The following SPATA13 variants were observed in gnomAD, a reference collection of about 807,000 sequenced individuals.
SPATA13 encodes the protein spermatogenesis-associated protein 13.
Under a neutral mutation model 104.0 loss-of-function variants are expected in SPATA13, and 50 were observed. That is an observed-to-expected ratio of 0.48 (90% CI 0.38 to 0.61). The LOEUF (loss-of-function observed/expected upper bound fraction) is 0.61. SPATA13 is among the 20% of genes least tolerant of loss of function. SPATA13 has a pLI of 0.00. For synonymous variants in SPATA13, 606 were observed against 667.5 expected (o/e 0.91, Z 1.42); for missense variants, 1,524 against 1,690.6 (o/e 0.90, Z 1.73).
intron 3 of SPATA13, among the ~76,000 whole-genome samples, chr13:24,103,538 G>C (rs1363169908): frequency 1.4e-5 from 2 of 140,626 alleles, no homozygotes; most frequent in African/African-American, 6.0e-5. Flanking sequence ...GAGAGAGAGA[G>C]AGAGAAGAGA....
intron 3 of SPATA13, among the ~76,000 whole-genome samples, chr13:24,112,668 C>T (rs1184703885): frequency 6.6e-6 from 1 of 152,162 alleles, no homozygotes; most frequent in African/African-American, 2.4e-5. Flanking sequence ...TATATTATCA[C>T]TGTGTAACAG....
intron 2 of SPATA13, among the ~76,000 whole-genome samples, chr13:23,985,732 C>A (rs898788703): frequency 6.6e-6 from 1 of 152,136 alleles, no homozygotes; most frequent in Non-Finnish European, 1.5e-5. Flanking sequence ...TAAAAGACTG[C>A]CTGAGTGTTC....
At chr13:24,048,907 A>G (rs1878242149) in intron 3 of SPATA13, among the ~76,000 whole-genome samples, 1 of 152,222 alleles carries the variant, frequency 6.6e-6, no homozygotes, top group Admixed American at 6.5e-5. Context: ...GAAGAAAATT[A>G]AAACTACAAG....
At chr13:24,300,521 C>T in intron 12 of SPATA13, 46 bp downstream of exon 12, 2 of 1,570,698 alleles carry the variant, frequency 1.3e-6, no homozygotes, top group South Asian at 1.1e-5. Flanking sequence ...TATCAGTATT[C>T]TCCTGAAAAT....
chr13:24,017,716 G>A (rs1355288213), intron 3 of SPATA13: 15 of 985,034 alleles, frequency 1.5e-5, no homozygotes, highest in Non-Finnish European at 1.8e-5. Context: ...GAAGGGCCTC[G>A]AGTCCGTTCT....
intron 2 of SPATA13, among the ~76,000 whole-genome samples, chr13:24,229,742 A>G (rs925245083): frequency 6.6e-6 from 1 of 152,224 alleles, no homozygotes; most frequent in African/African-American, 2.4e-5. Flanking sequence ...GCATAATCCA[A>G]CATTTATATT....
rs1876585275 is a variant in SPATA13 at position 24,013,804 on chromosome 13, G to A, written c.-146-3863G>A. Among the ~76,000 whole-genome samples the A allele has an allele frequency of 2.7e-5, 4 of 150,266 alleles. No homozygotes were observed. The South Asian group carries it at 8.4e-4, about 32-fold the overall frequency. ...ATTTATTTTGTCCTCTAAAAACCTC[G>A]AAGGCTTGGGTGCTGCATACAGTCA... On this transcript the variant is annotated intron_variant, in intron 2 of 14. Coordinates refer to the SPATA13 transcript ENST00000424834.
intron 3 of SPATA13, among the ~76,000 whole-genome samples, chr13:24,055,559 G>A (rs1478821238): frequency 1.3e-5 from 2 of 152,164 alleles, no homozygotes; most frequent in Non-Finnish European, 2.9e-5. Flanking sequence ...CATGTTTTGT[G>A]TGTTGCTCTA....
chr13:24,102,588 C>T (rs1880293060), intron 3 of SPATA13, among the ~76,000 whole-genome samples: 1 of 151,418 alleles, frequency 6.6e-6, no homozygotes, highest in African/African-American at 2.4e-5. Context: ...GATTCTCCTT[C>T]CTCAGCCTCC....
chr13:24,242,983 T>C (rs1872933042), intron 2 of SPATA13, among the ~76,000 whole-genome samples: 1 of 152,242 alleles, frequency 6.6e-6, no homozygotes, highest in South Asian at 2.1e-4. Context: ...GATGCTACTT[T>C]TTTGACTTCT....
chr13:24,207,877 A>C (rs1015772977), intron 1 of SPATA13, among the ~76,000 whole-genome samples: 2 of 152,128 alleles, frequency 1.3e-5, no homozygotes, highest in African/African-American at 4.8e-5. Context: ...GTCACTTTCT[A>C]TGGTGTGATC....
In SPATA13 at chr13:24,227,625, C is replaced by T. The variant is rs116028023; in HGVS notation, c.1653+3043C>T. 6.1e-3 allele frequency among the ~76,000 whole-genome samples: 934 copies of T among 152,180 alleles called. 12 individuals are homozygous for T. The highest frequency in any genetic ancestry group is 0.022 in the African/African-American group (899 of 41,504). On this transcript the variant is annotated intron_variant, in intron 2 of 12. Coordinates refer to ENST00000382108, the MANE Select transcript of SPATA13 (RefSeq NM_001166271.3). ...TCATTCAGTTACCCAGGCTGGAATG[C>T]AGTGGTGCGATCTTGGCTCACTGCA...
chr13:24,160,749 T>C lies in SPATA13; in HGVS notation c.-295T>C. Reference sequence around the variant, plus strand: ...GTGCTGCCGCGGCGCGGGAGGAGAGTGTGCGTTGCGCTTTCTCCCGCGATC... The same window carrying C: ...GTGCTGCCGCGGCGCGGGAGGAGAGCGTGCGTTGCGCTTTCTCCCGCGATC... On this transcript the variant is annotated 5_prime_UTR_variant, in exon 1 of 13. Transcript: ENST00000382108. The C allele has an allele frequency of 1.0e-6, 1 of 982,960 alleles. No individual in the cohort carries two copies. Among genetic ancestry groups the C allele is most frequent in the Non-Finnish European group, 1.2e-6 (1 of 829,462 alleles). The allele number at this position is 982,960 out of a possible 1,614,324, so 60.9% of individuals were successfully genotyped here.
intron 2 of SPATA13, among the ~76,000 whole-genome samples, chr13:23,999,368 C>CAAGAAAAAA (rs1875843053): frequency 1.1e-5 from 1 of 94,364 alleles, no homozygotes; most frequent in Non-Finnish European, 2.1e-5. Flanking sequence ...CATTTTCTAC[C>CAAGAAAAAA]AAAAAAAAAA....
intron 2 of SPATA13, among the ~76,000 whole-genome samples, chr13:24,006,892 C>T (rs1002362151): frequency 6.6e-6 from 1 of 152,240 alleles, no homozygotes; most frequent in Non-Finnish European, 1.5e-5. Context: ...CGGCAATTAA[C>T]ACGAAGCCCC....
rs531781949 is a variant in SPATA13, at chr13:24,011,920, G to A, written c.-146-5747G>A. ...CAGCCTTCTTCTTTAAACTTGCAGCGGAGGCTTCAATGTGCACCTCCGCCT... is the reference window on the plus strand; with the variant it reads ...CAGCCTTCTTCTTTAAACTTGCAGCAGAGGCTTCAATGTGCACCTCCGCCT... On this transcript the variant is annotated intron_variant, in intron 2 of 14. Coordinates refer to the SPATA13 transcript ENST00000424834. This position sits in a 1 kb window ranked among gnomAD's most constrained non-coding sequence, Gnocchi z 4.3. 8.9e-4 allele frequency among the ~76,000 whole-genome samples: 136 copies of A among 152,320 alleles called. 1 individual carries two copies. Among genetic ancestry groups the A allele is most frequent in the African/African-American group, 3.0e-3 (123 of 41,574 alleles).
rs1882513610 is a variant in SPATA13, at chr13:24,161,913, G to A, written c.-112+981G>A. On this transcript the variant is annotated intron_variant, in intron 1 of 12. Coordinates refer to ENST00000382108, the MANE Select transcript of SPATA13 (RefSeq NM_001166271.3). The surrounding 1 kb of genome is among the most constrained non-coding windows in gnomAD (Gnocchi z 4.5). ...TTTTCTTCTCTGTGAACCTTTCCTG[G>A]TCACCCAGCGATTTGCTCTCCTTTA... Among the ~76,000 whole-genome samples the A allele has an allele frequency of 6.6e-6, 1 of 151,982 alleles. No individual in the cohort carries two copies. The highest frequency in any genetic ancestry group is 2.4e-5 in the African/African-American group (1 of 41,340).
intron 3 of SPATA13, among the ~76,000 whole-genome samples, chr13:24,095,445 G>T (rs898477367): frequency 2.0e-5 from 3 of 152,086 alleles, no homozygotes; most frequent in Non-Finnish European, 2.9e-5. Flanking sequence ...TAAATTTAAC[G>T]GGTACAGAGT....
upstream of SPATA13, among the ~76,000 whole-genome samples, chr13:24,156,116 G>C (rs748209496): frequency 3.9e-5 from 6 of 152,160 alleles, no homozygotes; most frequent in Non-Finnish European, 8.8e-5. Context: ...TCACCTTGTG[G>C]CTGTGTGAAT....
Sources: gnomAD v4.1 joint callset for allele counts (sites outside exome capture counted in the v4.1 genomes callset) on GRCh38, gnomAD v4.1.1 for gene constraint, Gnocchi (gnomAD v3.1) non-coding constraint, MANE v1.5 for transcripts, NCBI Gene and HGNC (gene_info 2026-07-23, HGNC 2026-07-21) for gene names.